Variants in MEIS2 observed in about 807,000 individuals in gnomAD.
The protein encoded by MEIS2 is Meis homeobox 2.
A neutral mutation model predicts 58.6 loss-of-function variants in MEIS2; 9 were observed. The ratio of observed to expected loss-of-function variants is 0.15; its 90% CI spans 0.09 to 0.27. The LOEUF is 0.27. Among genes scored for constraint, MEIS2 ranks in the 10% least tolerant of loss-of-function variants. MEIS2 has a pLI of 1.00. For synonymous variants in MEIS2, 221 were observed against 228.4 expected (o/e 0.97, Z 0.29); for missense variants, 427 against 635.0 (o/e 0.67, Z 3.52).
At chr15:37,081,930 G>A (rs192423924) in intron 7 of MEIS2, among the ~76,000 whole-genome samples, 17 of 152,186 alleles carry the variant, frequency 1.1e-4, no homozygotes, top group Admixed American at 2.6e-4. Context: ...CTAACTAACC[G>A]AAACGCTAAA....
Position 37,059,120 on chromosome 15 carries a change from T to C in MEIS2, c.755-22161A>G, listed in dbSNP as rs1023546442. ...TTATTTGCCCAGTGCCCAGAACTGA[T>C]GCAAAGTTTGCCCTCAGTGATCTGT... On this transcript the variant is annotated intron_variant, in intron 7 of 11. Coordinates refer to ENST00000561208, the MANE Select transcript of MEIS2 (RefSeq NM_170675.5). 2.0e-5 allele frequency among the ~76,000 whole-genome samples: 3 copies of C among 152,218 alleles called. 1 individual carries two copies. The highest frequency in any genetic ancestry group is 7.2e-5 in the African/African-American group (3 of 41,466).
chr15:37,089,268 C>T (rs1893249333), intron 6 of MEIS2, among the ~76,000 whole-genome samples: 1 of 152,188 alleles, frequency 6.6e-6, no homozygotes, highest in African/African-American at 2.4e-5. Context: ...TATTATTATC[C>T]AATTTCATTA....
chr15:36,898,994 TCTC>T (rs2056331891), intron 9 of MEIS2, among the ~76,000 whole-genome samples: 1 of 152,154 alleles, frequency 6.6e-6, no homozygotes, highest in Non-Finnish European at 1.5e-5. Context: ...TTTACCCACT[TCTC>T]CTAAGCAAAT....
chr15:36,979,976 GA>G (rs1381733201), intron 8 of MEIS2, among the ~76,000 whole-genome samples: 1 of 150,656 alleles, frequency 6.6e-6, no homozygotes, highest in African/African-American at 2.4e-5. Context: ...CCTTAACTTT[GA>G]AAATTCTCCA....
intron 7 of MEIS2, among the ~76,000 whole-genome samples, chr15:37,065,559 T>G (rs917516831): frequency 1.3e-5 from 2 of 152,180 alleles, no homozygotes; most frequent in Non-Finnish European, 2.9e-5. Flanking sequence ...TTTATTTTAC[T>G]GCTTCAATAT....
chr15:37,068,854 C>A lies in MEIS2; in HGVS notation c.754+14917G>T, dbSNP rs558833576. Among the ~76,000 whole-genome samples the A allele has an allele frequency of 2.6e-5, 4 of 152,254 alleles. No homozygotes were observed. In the East Asian group the frequency reaches 7.7e-4, roughly 29 times the overall value. ...AAGGTAGGAAGACGTCCATGAACTT[C>A]ATTTTCCACTTTCACTATCTGCCTA... On this transcript the variant is annotated intron_variant, in intron 7 of 11. Transcript: ENST00000561208.
chr15:37,016,493 C>T (rs966548050), intron 8 of MEIS2, among the ~76,000 whole-genome samples: 31 of 151,920 alleles, frequency 2.0e-4, no homozygotes, highest in Non-Finnish European at 2.4e-4. Flanking sequence ...ACTGTATCAA[C>T]GGTAGCAACT....
chr15:36,981,097 T>G lies in MEIS2; in HGVS notation c.901-30697A>C, dbSNP rs549685591. 2.6e-5 allele frequency among the ~76,000 whole-genome samples: 4 copies of G among 152,288 alleles called. No individual in the cohort carries two copies. The South Asian group carries it at 8.3e-4, about 32-fold the overall frequency. ...ATCTTTACAATATAGCCCTTCATTTTTTTCAAGTTTTCTTTTATGTTCCAC... is the reference window on the plus strand; with the variant it reads ...ATCTTTACAATATAGCCCTTCATTTGTTTCAAGTTTTCTTTTATGTTCCAC... On this transcript the variant is annotated intron_variant, in intron 8 of 11. Coordinates refer to ENST00000561208, the MANE Select transcript of MEIS2 (RefSeq NM_170675.5).
chr15:36,912,670 A>G (rs907372900), intron 9 of MEIS2, among the ~76,000 whole-genome samples: 1 of 152,128 alleles, frequency 6.6e-6, no homozygotes, highest in African/African-American at 2.4e-5. Context: ...GCATTTGGAG[A>G]TTGCCACCTT....
chr15:36,914,373 T>A (rs1433849208), intron 9 of MEIS2, among the ~76,000 whole-genome samples: 3 of 152,234 alleles, frequency 2.0e-5, no homozygotes, highest in Non-Finnish European at 2.9e-5. Flanking sequence ...AATATACTTT[T>A]CAAAAATGTT....
chr15:36,943,703 T>C (rs1480853559), intron 9 of MEIS2, among the ~76,000 whole-genome samples: 3 of 152,126 alleles, frequency 2.0e-5, no homozygotes, highest in African/African-American at 4.8e-5. Context: ...CAAAGAAATA[T>C]GCATCCTGAG....
chr15:37,099,730 T>G lies in MEIS2; in HGVS notation c.-264A>C. ...ATCTTCCTCCTCCTCCTCCACCTCC[T>G]CCTCCTCCCCCCTCCCCTCCTCCTC... On this transcript the variant is annotated 5_prime_UTR_variant, in exon 1 of 12. Coordinates refer to ENST00000561208, the MANE Select transcript of MEIS2 (RefSeq NM_170675.5). 2.6e-6 allele frequency: 1 copy of G among 388,004 alleles called. No individual in the cohort carries two copies. Among genetic ancestry groups the G allele is most frequent in the Non-Finnish European group, 4.6e-6 (1 of 217,872 alleles). The allele number at this position is 388,004 out of a possible 1,614,324, so 24.0% of individuals were successfully genotyped here. A position where few individuals can be genotyped will look rare whatever the true frequency, so the allele number is the denominator to read the frequency against.
chr15:37,043,680 CTTTTTTTT>C (rs35502089), intron 7 of MEIS2, among the ~76,000 whole-genome samples: 1 of 112,930 alleles, frequency 8.9e-6, no homozygotes, highest in Non-Finnish European at 1.7e-5. Context: ...CCGTCCCCTC[CTTTTTTTT>C]TTTTTTTTTT....
At chr15:36,912,945 GT>G (rs1200903186) in intron 9 of MEIS2, among the ~76,000 whole-genome samples, 1 of 152,130 alleles carries the variant, frequency 6.6e-6, no homozygotes, top group Non-Finnish European at 1.5e-5. Context: ...GGGCTTGAAG[GT>G]TTTTAATAGT....
chr15:37,055,477 G>C lies in MEIS2; in HGVS notation c.755-18518C>G, dbSNP rs963502416. Among the ~76,000 whole-genome samples the C allele has an allele frequency of 6.6e-5, 10 of 152,196 alleles. No individual in the cohort carries two copies. In the South Asian group the frequency reaches 1.7e-3, roughly 25 times the overall value. ...ACTGTTTTCCTCATGAGAATGTGGA[G>C]AGCTCTCAACATTAAACAACATTAC... On this transcript the variant is annotated intron_variant, in intron 7 of 11. Transcript: ENST00000561208.
chr15:36,892,477 A>G lies in MEIS2; in HGVS notation c.1148-18T>C, dbSNP rs1364062256. 6.2e-7 allele frequency: 1 copy of G among 1,607,146 alleles called. No homozygotes were observed. The highest frequency in any genetic ancestry group is 8.5e-7 in the Non-Finnish European group (1 of 1,177,540). ...CTGCAAACCTGAAAATAGAGAGGGAAAAAGAAAGCGGGTCAAATTCCTAAA... is the reference window on the plus strand; with the variant it reads ...CTGCAAACCTGAAAATAGAGAGGGAGAAAGAAAGCGGGTCAAATTCCTAAA... On this transcript the variant is annotated intron_variant, in intron 11 of 11. Coordinates refer to ENST00000561208, the MANE Select transcript of MEIS2 (RefSeq NM_170675.5).
At chr15:37,033,736 G>A (rs2062026559) in intron 8 of MEIS2, among the ~76,000 whole-genome samples, 1 of 152,170 alleles carries the variant, frequency 6.6e-6, no homozygotes, top group Non-Finnish European at 1.5e-5. Flanking sequence ...CCTCATGCCT[G>A]TTAGTGCATG....
At chr15:37,022,813 C>T (rs2061570365) in intron 8 of MEIS2, among the ~76,000 whole-genome samples, 2 of 151,832 alleles carry the variant, frequency 1.3e-5, no homozygotes, top group African/African-American at 4.8e-5. Context: ...CCTGCCAGAA[C>T]ACCCGGCTAA....
Position 36,892,277 on chromosome 15 carries a change from G to C in MEIS2, c.1330C>G (p.Pro444Ala). ...ATAGTCATTCCAGGGTGGGTAGGGG[G>C]TCCTCCGTGCATCATCATGGCTGGG... ...HHPAMMMHGGPPTHPGMTMSA... is the reference protein window; with the variant it reads ...HHPAMMMHGGAPTHPGMTMSA... The change falls in exon 12 of 12, where the codon CCC becomes GCC. Residue 444 changes from proline (P) to alanine (A), a missense_variant. Around this residue, in one of 6 missense-constraint regions of MEIS2, gnomAD observed 154 missense variants for 148.1 expected, o/e 1.04. Transcript: ENST00000561208. 6.2e-7 allele frequency: 1 copy of C among 1,613,962 alleles called. No homozygotes were observed. Among genetic ancestry groups the C allele is most frequent in the Non-Finnish European group, 8.5e-7 (1 of 1,179,982 alleles).
Sources: gnomAD v4.1 joint callset for allele counts (sites outside exome capture counted in the v4.1 genomes callset) on GRCh38, gnomAD v4.1.1 for gene constraint, gnomAD v4.1.1 regional missense constraint, MANE v1.5 for transcripts, NCBI Gene and HGNC (gene_info 2026-07-23, HGNC 2026-07-21) for gene names.